The following GRIN3A variants were observed in gnomAD, a reference collection of about 807,000 sequenced individuals.
The protein encoded by GRIN3A is glutamate ionotropic receptor NMDA type subunit 3A, also known as glutamate receptor ionotropic, NMDA 3A.
A neutral mutation model predicts 92.4 loss-of-function variants in GRIN3A; 47 were observed. That is an observed-to-expected ratio of 0.51 (90% CI 0.40 to 0.65). GRIN3A has a LOEUF of 0.65. Among genes scored for constraint, GRIN3A ranks in the 30% least tolerant of loss-of-function variants. The probability of loss-of-function intolerance (pLI) is 0.00; values close to 1 mark genes in which losing one functional copy is unlikely to be tolerated. For missense variants in GRIN3A, 1,324 were observed against 1,393.1 expected (o/e 0.95, Z 0.79); for synonymous variants, 527 against 540.6 (o/e 0.97, Z 0.35).
chr9:101,684,447 A>G (rs976182606), intron 2 of GRIN3A, among the ~76,000 whole-genome samples: 7 of 151,862 alleles, frequency 4.6e-5, no homozygotes, highest in Non-Finnish European at 1.0e-4. Context: ...TTAAGTGCCT[A>G]CTATAGGCTA....
intron 3 of GRIN3A, among the ~76,000 whole-genome samples, chr9:101,640,626 G>A (rs1015441941): frequency 1.3e-5 from 2 of 151,922 alleles, no homozygotes; most frequent in Non-Finnish European, 2.9e-5. Context: ...CAGATCTCAA[G>A]TTGTAACTCC....
chr9:101,695,379 T>C (rs901311635), intron 1 of GRIN3A, among the ~76,000 whole-genome samples: 4 of 152,060 alleles, frequency 2.6e-5, no homozygotes, highest in African/African-American at 9.7e-5. Flanking sequence ...AAGAAACAAA[T>C]TGAGGAATAG....
chr9:101,657,338 C>T (rs1394332385), intron 3 of GRIN3A, among the ~76,000 whole-genome samples: 1 of 151,960 alleles, frequency 6.6e-6, no homozygotes, highest in African/African-American at 2.4e-5. Flanking sequence ...TGATAATTCA[C>T]AACCTGCTCA....
chr9:101,622,072 C>G (rs1043369585), intron 5 of GRIN3A, among the ~76,000 whole-genome samples: 1 of 152,154 alleles, frequency 6.6e-6, no homozygotes, highest in Non-Finnish European at 1.5e-5. Context: ...TCCATCCCTG[C>G]TTCAGGTGGG....
At chr9:101,697,464 T>G (rs1217497694) in intron 1 of GRIN3A, among the ~76,000 whole-genome samples, 1 of 152,194 alleles carries the variant, frequency 6.6e-6, no homozygotes, top group African/African-American at 2.4e-5. Flanking sequence ...GAATCCTAAA[T>G]GAACAGGTCT....
chr9:101,709,051 C>T (rs1432764609), intron 1 of GRIN3A, among the ~76,000 whole-genome samples: 2 of 152,124 alleles, frequency 1.3e-5, no homozygotes, highest in East Asian at 3.9e-4. Flanking sequence ...ACTCTTTAAA[C>T]AGCCTGCTCA....
intron 6 of GRIN3A, among the ~76,000 whole-genome samples, chr9:101,585,109 C>T (rs999159468): frequency 6.6e-6 from 1 of 152,300 alleles, no homozygotes; most frequent in South Asian, 2.1e-4. Context: ...CCTCCCATCA[C>T]CTGTCAAACA....
intron 1 of GRIN3A, among the ~76,000 whole-genome samples, chr9:101,700,118 C>T (rs1383803662): frequency 6.6e-6 from 1 of 152,176 alleles, no homozygotes; most frequent in Non-Finnish European, 1.5e-5. Flanking sequence ...TCATCTCTCT[C>T]CTTCCCTGGA....
Position 101,656,250 on chromosome 9 carries a change from G to C in GRIN3A, c.2352+13810C>G, listed in dbSNP as rs892608254. Among the ~76,000 whole-genome samples the C allele has an allele frequency of 5.3e-5, 8 of 151,872 alleles. 1 individual carries two copies. Among genetic ancestry groups the C allele is most frequent in the Admixed American group, 5.3e-4 (8 of 15,216 alleles). ...TTAGCAGGGGGTGGGAGAATTCTGG[G>C]TGAACAATGAAAAAGATAATTGTGT... On this transcript the variant is annotated intron_variant, in intron 3 of 8. Transcript: ENST00000361820.
At position 101,686,742 on chromosome 9, in the gene GRIN3A, C is replaced by T; in HGVS notation, c.1158G>A (p.Glu386=). 1.2e-6 allele frequency: 2 copies of T among 1,614,162 alleles called. No homozygotes were observed. Among genetic ancestry groups the T allele is most frequent in the South Asian group, 1.1e-5 (1 of 91,084 alleles). Residue 386 remains glutamate, a synonymous_variant, in exon 2 of 9, where the codon GAG becomes GAA. Transcript: ENST00000361820. ...AHGKTTQSVF[E]HYVQDAMELV... is the part of the protein sequence containing the mutation. ...GCTCCATAGCATCTTGTACGTAGTGCTCAAAGACAGACTGTGTTGTTTTTC... is the reference window on the plus strand; with the variant it reads ...GCTCCATAGCATCTTGTACGTAGTGTTCAAAGACAGACTGTGTTGTTTTTC...
intron 2 of GRIN3A, among the ~76,000 whole-genome samples, chr9:101,679,158 G>A (rs993669657): frequency 5.3e-5 from 8 of 152,122 alleles, no homozygotes; most frequent in Non-Finnish European, 1.2e-4. Flanking sequence ...AGGGTTGTAG[G>A]GTATGCAGAT....
chr9:101,635,125 G>A (rs967353136), intron 3 of GRIN3A, among the ~76,000 whole-genome samples: 8 of 152,032 alleles, frequency 5.3e-5, no homozygotes, highest in Non-Finnish European at 1.0e-4. Flanking sequence ...TTCTGAAGCC[G>A]TCTACGTTAG....
chr9:101,654,299 A>G (rs567378686), intron 3 of GRIN3A, among the ~76,000 whole-genome samples: 32 of 150,924 alleles, frequency 2.1e-4, no homozygotes, highest in Non-Finnish European at 3.5e-4. Context: ...ATATATACCT[A>G]TGCACACACA....
chr9:101,588,632 A>G (rs1827979854), intron 6 of GRIN3A, among the ~76,000 whole-genome samples: 1 of 152,174 alleles, frequency 6.6e-6, no homozygotes, highest in African/African-American at 2.4e-5. Flanking sequence ...ATTACCCATA[A>G]TCCTTGTACT....
intron 1 of GRIN3A, among the ~76,000 whole-genome samples, chr9:101,693,763 G>A (rs553983929): frequency 2.4e-3 from 367 of 152,204 alleles, no homozygotes; most frequent in African/African-American, 8.0e-3. Flanking sequence ...CTTGTGAAAT[G>A]ATGAAACTTG....
At position 101,713,263 on chromosome 9, in the gene GRIN3A, G is replaced by A. The variant is rs1829904121; in HGVS notation, c.699+24018C>T. Among the ~76,000 whole-genome samples the A allele has an allele frequency of 2.6e-5, 4 of 152,218 alleles. No individual in the cohort carries two copies. The South Asian group carries it at 8.3e-4, about 32-fold the overall frequency. On this transcript the variant is annotated intron_variant, in intron 1 of 8. Transcript: ENST00000361820. The stretch of plus-strand genomic sequence containing the variant: ...TTTGGGAGAGGTTTAATTCCCACAG[G>A]AAAAACACCATAGGAGGTAGAAGAA...
At chr9:101,666,727 A>T (rs1273097092) in intron 3 of GRIN3A, among the ~76,000 whole-genome samples, 2 of 152,074 alleles carry the variant, frequency 1.3e-5, no homozygotes, top group East Asian at 3.9e-4. Context: ...GCTTCCTTGA[A>T]TGTACCAGCA....
rs140872676 is a variant in GRIN3A, at chr9:101,573,472, G to C, written c.3050C>G (p.Ser1017Cys). 3 of 1,614,028 alleles carry C rather than the reference G, an allele frequency of 1.9e-6. No individual in the cohort carries two copies. The highest frequency in any genetic ancestry group is 2.5e-6 in the Non-Finnish European group (3 of 1,179,964). ...CCGTCGGTTGTCATGACTCAGATTG[G>C]AAGTATTCCATACGGTAAGCTGACG... Reference protein sequence around the residue: ...GPRQLTVWNTSNLSHDNRRKY... With the variant: ...GPRQLTVWNTCNLSHDNRRKY... The change falls in exon 9 of 9, where the codon TCC (serine) becomes TGC (cysteine). Residue 1017 changes from serine (S) to cysteine (C), a missense_variant. By Grantham distance (112) the Ser-to-Cys change is moderately radical (BLOSUM62 -1). Transcript: ENST00000361820.
rs138555829 is a variant in GRIN3A, at chr9:101,737,443, G to C, written c.537C>G (p.Ser179=). The C allele has an allele frequency of 3.4e-4, 549 of 1,614,270 alleles. 3 individuals are homozygous for C. The African/African-American group carries it at 6.6e-3, about 19-fold the overall frequency. The change falls in exon 1 of 9, where the codon TCC becomes TCG. Residue 179 remains serine, a synonymous_variant. Coordinates refer to ENST00000361820, the MANE Select transcript of GRIN3A (RefSeq NM_133445.3). Reference sequence around the variant, plus strand: ...CGGTATGGCACACACTTTGCAGGAAGGAGAAAGGGTCACTGCTCCATGGCG... The same window carrying C: ...CGGTATGGCACACACTTTGCAGGAACGAGAAAGGGTCACTGCTCCATGGCG... ...PSSPWSSDPF[S]FLQSVCHTVV...
Sources: gnomAD v4.1 joint callset for allele counts (sites outside exome capture counted in the v4.1 genomes callset) on GRCh38, gnomAD v4.1.1 for gene constraint, MANE v1.5 for transcripts, NCBI Gene and HGNC (gene_info 2026-07-23, HGNC 2026-07-21) for gene names.